GHSR: variants seen among roughly 807,000 people sequenced by gnomAD.
GHSR encodes the protein growth hormone secretagogue receptor.
GHSR carries 17 observed loss-of-function variants against 24.0 expected under a neutral mutation model. That is an observed-to-expected ratio of 0.71 (90% confidence interval 0.49 to 1.06). The LOEUF (loss-of-function observed/expected upper bound fraction) is 1.06, where lower values mean the gene tolerates loss of function less well. Among genes scored for constraint, GHSR ranks in the 50% least tolerant of loss-of-function variants. GHSR has a pLI of 0.00. For synonymous variants in GHSR, 238 were observed against 208.1 expected, an observed-to-expected ratio of 1.14 and a Z score of -1.24; for missense variants, 504 against 483.1, an observed-to-expected ratio of 1.04 and a Z score of -0.41.
intron 1 of GHSR, 79 bp from the exon 2 acceptor site, chr3:172,445,544 T>G: frequency 7.1e-7 from 1 of 1,418,056 alleles, no homozygotes; most frequent in Non-Finnish European, 9.7e-7. Flanking sequence ...GACTTTGTTT[T>G]TGTTTCATGG....
rs1052770812 is a variant in GHSR, at chr3:172,443,500, A to T, written c.*1661T>A. On this transcript the variant is annotated 3_prime_UTR_variant, in exon 2 of 2. Transcript: ENST00000241256. ...TCATGATTATCTTTCTTTTTGATGA[A>T]GGAAAAAACAGTCATGGCAGGAATT... is the stretch of plus-strand genomic sequence containing the variant. Among the ~76,000 whole-genome samples, 1 of 152,162 alleles carries T rather than the reference A, an allele frequency of 6.6e-6. No individual in the cohort carries two copies. The highest frequency in any genetic ancestry group is 1.5e-5 in the Non-Finnish European group (1 of 68,018).
chr3:172,445,062 C>G lies in GHSR; in HGVS notation c.*99G>C, dbSNP rs977656583. On this transcript the variant is annotated 3_prime_UTR_variant, in exon 2 of 2. Coordinates refer to ENST00000241256, the MANE Select transcript of GHSR (RefSeq NM_198407.2). ...CAGATGTTTCTGGATCTATGTGTTC[C>G]TAATTCCAAAATTAACCTTCAGCTT... 5 of 1,350,932 alleles carry G rather than the reference C, an allele frequency of 3.7e-6. No homozygotes were observed. In the African/African-American group the frequency reaches 5.7e-5, roughly 16 times the overall value. The allele number at this position is 1,350,932 out of a possible 1,614,324, so 83.7% of individuals were successfully genotyped here. A position where few individuals can be genotyped will look rare whatever the true frequency, so the allele number is the denominator to read the frequency against.
At chr3:172,447,561 G>A (rs1737493670) in intron 1 of GHSR, 57 bp downstream of exon 1, 2 of 1,601,068 alleles carry the variant, frequency 1.2e-6, no homozygotes, top group Non-Finnish European at 1.7e-6. Context: ...GAAGGGAGAA[G>A]GCACAGGGAG....
chr3:172,448,300 G>A lies in GHSR; in HGVS notation c.114C>T (p.Phe38=). ...TGACGCCCGCCAGCAGCGGCGCGGGGAAGAGCTGCAGCAGCTCGTCGCCCA... is the reference window on the plus strand; with the variant it reads ...TGACGCCCGCCAGCAGCGGCGCGGGAAAGAGCTGCAGCAGCTCGTCGCCCA... ...DSLGDELLQL[F]PAPLLAGVTA... The change falls in exon 1 of 2, where the codon TTC becomes TTT. Residue 38 remains phenylalanine, a synonymous_variant. Coordinates refer to ENST00000241256, the MANE Select transcript of GHSR (RefSeq NM_198407.2). This position sits in a 1 kb window ranked among gnomAD's most constrained non-coding sequence, Gnocchi z 4.8. 1 of 1,611,814 alleles carries A rather than the reference G, an allele frequency of 6.2e-7. No homozygotes were observed. The highest frequency in any genetic ancestry group is 1.3e-5 in the African/African-American group (1 of 75,070).
At chr3:172,447,416 G>A (rs1737489112) in intron 1 of GHSR, 1 of 1,157,440 alleles carries the variant, frequency 8.6e-7, no homozygotes, top group Non-Finnish European at 1.2e-6. Flanking sequence ...CAGAGAGAAA[G>A]ATTGAGAGAT....
rs1463952029 is a variant in GHSR at position 172,447,796 on chromosome 3, G to T, written c.618C>A (p.Arg206=). 4 of 1,613,964 alleles carry T rather than the reference G, an allele frequency of 2.5e-6. No individual in the cohort carries two copies. In the African/African-American group the frequency reaches 5.3e-5, roughly 22 times the overall value. ...NECRPTEFAV[R]SGLLTVMVWV... The stretch of plus-strand genomic sequence containing the variant: ...ACACCATGACCGTGAGCAGTCCAGA[G>T]CGCACCGCAAACTCGGTGGGGCGGC... Residue 206 remains arginine (R), a synonymous_variant, in exon 1 of 2, where the codon CGC becomes CGA. Coordinates refer to ENST00000241256, the MANE Select transcript of GHSR (RefSeq NM_198407.2).
intron 1 of GHSR, among the ~76,000 whole-genome samples, chr3:172,445,832 C>T (rs1392445904): frequency 2.6e-5 from 4 of 152,148 alleles, no homozygotes; most frequent in East Asian, 1.9e-4. Flanking sequence ...GCTGTGTATC[C>T]GAGTCTCCTG....
At position 172,448,417 on chromosome 3, in the gene GHSR, G is replaced by A. The variant is rs1438665017; in HGVS notation, c.-4C>T. 2 of 1,588,266 alleles carry A rather than the reference G, an allele frequency of 1.3e-6. No individual in the cohort carries two copies. Among genetic ancestry groups the A allele is most frequent in the Admixed American group, 1.7e-5 (1 of 58,704 alleles). On this transcript the variant is annotated 5_prime_UTR_variant, in exon 1 of 2. Coordinates refer to ENST00000241256, the MANE Select transcript of GHSR (RefSeq NM_198407.2). This position sits in a 1 kb window ranked among gnomAD's most constrained non-coding sequence, Gnocchi z 4.8. ...CGCTGGGCGTCGCGTTCCACATGCT[G>A]CCGGCTCAGCTGAACAGGCTCTGGG...
At chr3:172,445,490 AGTCAGCTCAAGAAAT>A in intron 1 of GHSR, 25 bp from the exon 2 acceptor site, 1 of 1,599,446 alleles carries the variant, frequency 6.3e-7, no homozygotes, top group South Asian at 1.1e-5. Context: ...GGAGAGAGAT[AGTCAGCTCAAGAAAT>A]GTCACAGCAA....
Position 172,447,982 on chromosome 3 carries a change from G to A in GHSR, c.432C>T (p.Ala144=), listed in dbSNP as rs2232168. ...ITALSVERYF[A]ICFPLRAKVV... is the part of the protein sequence containing the mutation. ...CCTTGGCCCGGAGTGGGAAGCAGATGGCGAAGTAGCGCTCGACGCTCAGCG... is the reference window on the plus strand; with the variant it reads ...CCTTGGCCCGGAGTGGGAAGCAGATAGCGAAGTAGCGCTCGACGCTCAGCG... Residue 144 remains alanine, a synonymous_variant, in exon 1 of 2, where the codon GCC becomes GCT. Transcript: ENST00000241256. 735 of 1,614,184 alleles carry A rather than the reference G, an allele frequency of 4.6e-4. 3 individuals are homozygous for A. The African/African-American group carries it at 9.0e-3, about 20-fold the overall frequency.
chr3:172,445,567 G>A, intron 1 of GHSR, 102 bp from the exon 2 acceptor site: 1 of 1,159,318 alleles, frequency 8.6e-7, no homozygotes, highest in Non-Finnish European at 1.3e-6. Flanking sequence ...TATGACCATT[G>A]ACTTCAGAGA....
chr3:172,443,422 A>G lies in GHSR; in HGVS notation c.*1739T>C, dbSNP rs1238139759. On this transcript the variant is annotated 3_prime_UTR_variant, in exon 2 of 2. Coordinates refer to ENST00000241256, the MANE Select transcript of GHSR (RefSeq NM_198407.2). ...AATATTTTTCTAGAGAAATGATTCT[A>G]ATTATGATTGTGTTTGGATGTTTCC... Among the ~76,000 whole-genome samples, 2 of 152,158 alleles carry G rather than the reference A, an allele frequency of 1.3e-5. No homozygotes were observed. The highest frequency in any genetic ancestry group is 6.5e-5 in the Admixed American group (1 of 15,280).
chr3:172,446,780 G>T lies in GHSR; in HGVS notation c.796+838C>A, dbSNP rs535427043. On this transcript the variant is annotated intron_variant, in intron 1 of 1. Transcript: ENST00000241256. ...CATTGTGCCCAGATGTTCCTGAAGG[G>T]TCATTTGGGGAAGTAGTGAATTCTG... 2.0e-5 allele frequency among the ~76,000 whole-genome samples: 3 copies of T among 152,306 alleles called. No homozygotes were observed. The South Asian group carries it at 6.2e-4, about 32-fold the overall frequency.
rs992878237 is a variant in GHSR, at chr3:172,444,743, A to C, written c.*418T>G. ...CACTGCTCTAGAGCTTTATGAAAAT[A>C]GCTAGTTTTTAAAAGTTACATTTTA... On this transcript the variant is annotated 3_prime_UTR_variant, in exon 2 of 2. Transcript: ENST00000241256. Among the ~76,000 whole-genome samples the C allele has an allele frequency of 1.3e-5, 2 of 152,218 alleles. No homozygotes were observed. Among genetic ancestry groups the C allele is most frequent in the African/African-American group, 4.8e-5 (2 of 41,448 alleles).
rs1312789992 is a variant in GHSR, at chr3:172,445,082, C to G, written c.*79G>C. ...TGTTCCTAATTCCAAAATTAACCTT[C>G]AGCTTCCTCCCAAGTTCTGCTGTGC... is the stretch of plus-strand genomic sequence containing the variant. On this transcript the variant is annotated 3_prime_UTR_variant, in exon 2 of 2. Transcript: ENST00000241256. 2.0e-6 allele frequency: 3 copies of G among 1,513,570 alleles called. No individual in the cohort carries two copies. In the African/African-American group the frequency reaches 4.1e-5, roughly 21 times the overall value. 93.8% of individuals were successfully genotyped at this position (1,513,570 alleles called of 1,614,324 possible).
chr3:172,447,547 G>C (rs1282831187), intron 1 of GHSR, 71 bp downstream of exon 1: 1 of 1,589,636 alleles, frequency 6.3e-7, no homozygotes, highest in South Asian at 1.1e-5. Context: ...TGGAGACTCA[G>C]AGAGAAGGGA....
At position 172,448,324 on chromosome 3, in the gene GHSR, C is replaced by T. The variant is rs1183626108; in HGVS notation, c.90G>A (p.Leu30=). ...DWDASPGNDS[L]GDELLQLFPA... is the part of the protein sequence containing the mutation. ...GGAAGAGCTGCAGCAGCTCGTCGCC[C>T]AGCGAGTCGTTGCCGGGGGAAGCAT... The change falls in exon 1 of 2, where the codon CTG becomes CTA. Residue 30 remains leucine, a synonymous_variant. Transcript: ENST00000241256. This position sits in a 1 kb window ranked among gnomAD's most constrained non-coding sequence, Gnocchi z 4.8. The T allele has an allele frequency of 6.2e-7, 1 of 1,607,888 alleles. No homozygotes were observed.
At chr3:172,447,105 C>A in intron 1 of GHSR, among the ~76,000 whole-genome samples, 1 of 152,226 alleles carries the variant, frequency 6.6e-6, no homozygotes, top group East Asian at 1.9e-4. Context: ...TACCGCTGAA[C>A]GCTTTCTAGA....
intron 1 of GHSR, among the ~76,000 whole-genome samples, chr3:172,445,784 G>C (rs1477141670): frequency 6.6e-6 from 1 of 152,206 alleles, no homozygotes; most frequent in Non-Finnish European, 1.5e-5. Flanking sequence ...AGACACAACA[G>C]ACACACTTAC....
Sources: gnomAD v4.1 joint callset for allele counts (sites outside exome capture counted in the v4.1 genomes callset) on GRCh38, gnomAD v4.1.1 for gene constraint, Gnocchi (gnomAD v3.1) non-coding constraint, MANE v1.5 for transcripts, NCBI Gene and HGNC (gene_info 2026-07-23, HGNC 2026-07-21) for gene names.